Variants in KCNMB2 observed in about 807,000 individuals in gnomAD.
KCNMB2 encodes calcium-activated potassium channel subunit beta-2.
Under a neutral mutation model 24.5 loss-of-function variants are expected in KCNMB2, and 9 were observed. The observed-to-expected ratio is 0.37, with a 90% CI of 0.22 to 0.64. The LOEUF (loss-of-function observed/expected upper bound fraction) is 0.64. Among genes scored for constraint, KCNMB2 ranks in the 30% least tolerant of loss-of-function variants. The pLI is 0.63. For synonymous variants in KCNMB2, 109 were observed against 104.4 expected (o/e 1.04, Z -0.27); for missense variants, 226 against 284.3 (o/e 0.79, Z 1.47).
At chr3:178,568,897 TA>T (rs1186727343) in intron 1 of KCNMB2, among the ~76,000 whole-genome samples, 2 of 115,956 alleles carry the variant, frequency 1.7e-5, no homozygotes, top group African/African-American at 7.2e-5. Context: ...GATAGATAGA[TA>T]GATGGATAGA....
intron 1 of KCNMB2, among the ~76,000 whole-genome samples, chr3:178,791,953 G>C (rs1344972682): frequency 2.6e-5 from 4 of 151,990 alleles, no homozygotes; most frequent in Non-Finnish European, 2.9e-5. Flanking sequence ...AAAGCTGAGG[G>C]ATTTCATCAA....
intron 1 of KCNMB2, among the ~76,000 whole-genome samples, chr3:178,720,667 G>C (rs1722772282): frequency 7.7e-6 from 1 of 129,848 alleles, no homozygotes; most frequent in Non-Finnish European, 1.6e-5. Context: ...TTTAATGATT[G>C]CCATTCTAAC....
intron 1 of KCNMB2, among the ~76,000 whole-genome samples, chr3:178,578,780 G>A (rs1717089565): frequency 6.6e-6 from 1 of 150,884 alleles, no homozygotes; most frequent in East Asian, 1.9e-4. Flanking sequence ...AAAGACAAGA[G>A]CATTACATAA....
chr3:178,603,189 G>C lies in KCNMB2; in HGVS notation c.-68+66478G>C, dbSNP rs150253302. 4.5e-4 allele frequency among the ~76,000 whole-genome samples: 68 copies of C among 152,274 alleles called. No homozygotes were observed. In the East Asian group the frequency reaches 6.0e-3, roughly 13 times the overall value. On this transcript the variant is annotated intron_variant, in intron 1 of 4. Transcript: ENST00000452583. ...GATGGGACAGAAAAATGGCATTTGG[G>C]TCCTGAGGGTGGTGCTTATAAGTCT...
chr3:178,774,452 C>G (rs1343211124), intron 1 of KCNMB2, among the ~76,000 whole-genome samples: 3 of 152,126 alleles, frequency 2.0e-5, no homozygotes, highest in African/African-American at 4.8e-5. Flanking sequence ...AAATCTAGAG[C>G]AGGTGAGTAA....
intron 1 of KCNMB2, among the ~76,000 whole-genome samples, chr3:178,670,682 AT>A (rs1720870460): frequency 6.6e-6 from 1 of 152,152 alleles, no homozygotes; most frequent in Non-Finnish European, 1.5e-5. Context: ...TAAGTTTTGA[AT>A]CCGGGCTTTG....
intron 1 of KCNMB2, among the ~76,000 whole-genome samples, chr3:178,545,633 G>C (rs1225287985): frequency 6.6e-6 from 1 of 152,198 alleles, no homozygotes; most frequent in Non-Finnish European, 1.5e-5. Context: ...TGAATGTCTT[G>C]AGTTTGGTTT....
chr3:178,711,495 T>A (rs569483977), intron 1 of KCNMB2, among the ~76,000 whole-genome samples: 1 of 152,234 alleles, frequency 6.6e-6, no homozygotes, highest in East Asian at 1.9e-4. Context: ...TTTCTACCTA[T>A]TCTTTAGGAA....
intron 1 of KCNMB2, among the ~76,000 whole-genome samples, chr3:178,686,045 T>TGAGA (rs775320270): frequency 3.3e-5 from 5 of 150,200 alleles, no homozygotes; most frequent in Admixed American, 6.6e-5. Flanking sequence ...TGTGTGTGTG[T>TGAGA]GAGAGAGAGA....
intron 1 of KCNMB2, among the ~76,000 whole-genome samples, chr3:178,609,386 T>G (rs2108514519): frequency 6.6e-6 from 1 of 151,846 alleles, no homozygotes; most frequent in East Asian, 1.9e-4. Context: ...TTCTGATTAT[T>G]AATCCCTTGT....
chr3:178,569,500 T>C (rs1333344982), intron 1 of KCNMB2, among the ~76,000 whole-genome samples: 1 of 152,222 alleles, frequency 6.6e-6, no homozygotes, highest in Non-Finnish European at 1.5e-5. Context: ...CACCTACAGC[T>C]TCTTCCATAA....
At chr3:178,724,352 T>C (rs993755733) in intron 1 of KCNMB2, among the ~76,000 whole-genome samples, 1 of 152,070 alleles carries the variant, frequency 6.6e-6, no homozygotes, top group South Asian at 2.1e-4. Context: ...TTTAATAGGG[T>C]TGTTTTCTTC....
chr3:178,611,052 T>C (rs1402573374), intron 1 of KCNMB2, among the ~76,000 whole-genome samples: 2 of 152,202 alleles, frequency 1.3e-5, no homozygotes, highest in East Asian at 1.9e-4. Context: ...TTGAGTAGAA[T>C]TGGTATTTAT....
chr3:178,829,222 A>T (rs1397775325), intron 4 of KCNMB2, among the ~76,000 whole-genome samples: 2 of 152,174 alleles, frequency 1.3e-5, no homozygotes, highest in Middle Eastern at 3.2e-3. Context: ...ATGCCAAGAC[A>T]ACTCGATGCC....
chr3:178,815,906 T>C (rs1444246667), intron 2 of KCNMB2, among the ~76,000 whole-genome samples: 1 of 152,014 alleles, frequency 6.6e-6, no homozygotes, highest in Non-Finnish European at 1.5e-5. Context: ...TTTTCATTTT[T>C]ATATATTGCT....
chr3:178,700,093 G>A (rs1722034425), intron 1 of KCNMB2, among the ~76,000 whole-genome samples: 1 of 152,178 alleles, frequency 6.6e-6, no homozygotes, highest in African/African-American at 2.4e-5. Flanking sequence ...GTATTACCAA[G>A]ATGACTGAGA....
intron 1 of KCNMB2, among the ~76,000 whole-genome samples, chr3:178,792,920 C>T (rs1384733977): frequency 6.6e-6 from 1 of 152,244 alleles, no homozygotes; most frequent in African/African-American, 2.4e-5. Context: ...GCACTGGGCA[C>T]ACCCAAGGGC....
chr3:178,573,980 G>A (rs1245925768), intron 1 of KCNMB2, among the ~76,000 whole-genome samples: 1 of 152,134 alleles, frequency 6.6e-6, no homozygotes. Flanking sequence ...TTCACAGAGC[G>A]AGGTTGCTGT....
At chr3:178,718,538 A>G (rs901464984) in intron 1 of KCNMB2, among the ~76,000 whole-genome samples, 1 of 152,232 alleles carries the variant, frequency 6.6e-6, no homozygotes, top group Non-Finnish European at 1.5e-5. Flanking sequence ...CCAGTATGGC[A>G]CTAAATGACA....
Sources: allele counts gnomAD v4.1 joint callset (sites outside exome capture counted in the v4.1 genomes callset), GRCh38; gene constraint gnomAD v4.1.1; transcripts MANE v1.5; gene names NCBI Gene and HGNC (gene_info 2026-07-23, HGNC 2026-07-21).